The following LHPP variants were observed in gnomAD, a reference collection of about 807,000 sequenced individuals.
The protein encoded by LHPP is phospholysine phosphohistidine inorganic pyrophosphate phosphatase.
Under a neutral mutation model 30.3 loss-of-function variants are expected in LHPP, and 24 were observed. The observed-to-expected ratio is 0.79, with a 90% CI of 0.57 to 1.11. The LOEUF is 1.11. LHPP is among the 50% of genes most tolerant of loss of function. The probability of loss-of-function intolerance (pLI) is 0.00; values close to 1 mark genes in which losing one functional copy is unlikely to be tolerated. For synonymous variants in LHPP, 150 were observed against 157.1 expected, an observed-to-expected ratio of 0.95 and a Z score of 0.34; for missense variants, 356 against 367.2, an observed-to-expected ratio of 0.97 and a Z score of 0.25.
At position 124,496,920 on chromosome 10, in the gene LHPP, C is replaced by T. The variant is rs1342154970; in HGVS notation, c.468-41C>T. On this transcript the variant is annotated intron_variant, in intron 3 of 6. Transcript: ENST00000368842. The surrounding 1 kb of genome is among the most constrained non-coding windows in gnomAD (Gnocchi z 4.3). The stretch of plus-strand genomic sequence containing the variant: ...ATACTTAGCATCCTGCGGTCAGCTC[C>T]CCGTGCTCAGCATCCCGTGCTCCGT... 9.5e-6 allele frequency: 15 copies of T among 1,579,550 alleles called. No individual in the cohort carries two copies. The Middle Eastern group carries it at 8.4e-4, about 89-fold the overall frequency.
intron 5 of LHPP, among the ~76,000 whole-genome samples, chr10:124,516,225 G>A (rs1231897279): frequency 6.6e-6 from 1 of 152,226 alleles, no homozygotes; most frequent in Non-Finnish European, 1.5e-5. Flanking sequence ...TTCCCAGCTT[G>A]TAGATGGCCG....
At position 124,590,485 on chromosome 10, in the gene LHPP, CTG is replaced by C. The variant is rs1393931021; in HGVS notation, c.717-22774_717-22773del. 6.6e-6 allele frequency among the ~76,000 whole-genome samples: 1 copy of C among 152,194 alleles called. No homozygotes were observed. On this transcript the variant is annotated intron_variant, in intron 6 of 6. Coordinates refer to ENST00000368842, the MANE Select transcript of LHPP (RefSeq NM_022126.4). This position sits in a 1 kb window ranked among gnomAD's most constrained non-coding sequence, Gnocchi z 4.3. ...ACTCCAGGCTACCCCGAGAAAGCCG[CTG>C]TGTGACCCCATTAGGGGACTTGGCT...
intron 6 of LHPP, among the ~76,000 whole-genome samples, chr10:124,518,510 G>A (rs1024183901): frequency 3.3e-5 from 5 of 152,244 alleles, no homozygotes; most frequent in Non-Finnish European, 7.3e-5. Flanking sequence ...GGCGTCAGCC[G>A]TCAGGAGCCC....
At chr10:124,607,740 T>A (rs1284709765) in intron 6 of LHPP, among the ~76,000 whole-genome samples, 1 of 152,202 alleles carries the variant, frequency 6.6e-6, no homozygotes, top group Non-Finnish European at 1.5e-5. Flanking sequence ...GAAGAATTTT[T>A]GTTCCGCTTC....
chr10:124,545,850 TGGG>T (rs1422964158), intron 6 of LHPP: 11 of 152,002 alleles, frequency 7.2e-5, no homozygotes, highest in Admixed American at 7.2e-4. Context: ...GAAGTTCAGT[TGGG>T]GGGAAAATGC....
intron 5 of LHPP, among the ~76,000 whole-genome samples, chr10:124,500,696 G>C (rs990582961): frequency 5.3e-5 from 8 of 151,422 alleles, no homozygotes; most frequent in Admixed American, 2.0e-4. Context: ...ACTCCAGTGA[G>C]ATACCACTTC....
At chr10:124,500,755 G>A (rs1038109025) in intron 5 of LHPP, among the ~76,000 whole-genome samples, 3 of 151,814 alleles carry the variant, frequency 2.0e-5, no homozygotes, top group Admixed American at 2.0e-4. Flanking sequence ...AATAACAAGT[G>A]TTGGCAAGGA....
Position 124,496,445 on chromosome 10 carries a change from C to G in LHPP, c.468-516C>G, listed in dbSNP as rs1953711641. ...GTCTTCTCATAAAAGCATCTGGCGC[C>G]CATGAAACCTGGCACCTCGCTTGAC... On this transcript the variant is annotated intron_variant, in intron 3 of 6. Transcript: ENST00000368842. The surrounding 1 kb of genome is among the most constrained non-coding windows in gnomAD (Gnocchi z 4.3). 6.6e-6 allele frequency among the ~76,000 whole-genome samples: 1 copy of G among 152,184 alleles called. No individual in the cohort carries two copies. Among genetic ancestry groups the G allele is most frequent in the Non-Finnish European group, 1.5e-5 (1 of 68,038 alleles).
chr10:124,530,575 CCCCCACG>C (rs1954874720), intron 6 of LHPP, among the ~76,000 whole-genome samples: 1 of 152,028 alleles, frequency 6.6e-6, no homozygotes, highest in Non-Finnish European at 1.5e-5. Flanking sequence ...CGCCCAGACC[CCCCCACG>C]CCCCAGGCCA....
chr10:124,468,192 GTTCTGTTAAC>G (rs1320601428), intron 1 of LHPP, among the ~76,000 whole-genome samples: 1 of 152,190 alleles, frequency 6.6e-6, no homozygotes, highest in Non-Finnish European at 1.5e-5. Context: ...ATTGGAAAGG[GTTCTGTTAAC>G]TTCTCTGGGT....
rs116220498 is a variant in LHPP, at chr10:124,595,980, C to T, written c.717-17284C>T. Among the ~76,000 whole-genome samples the T allele has an allele frequency of 2.8e-3, 422 of 152,262 alleles. 2 individuals carry two copies. The highest frequency in any genetic ancestry group is 9.8e-3 in the African/African-American group (409 of 41,538). ...CACTCTTCTCCAGAGGGAGCTAGCC[C>T]GTGCCTTCACCCCCGTCTTCTGCCT... On this transcript the variant is annotated intron_variant, in intron 6 of 6. Transcript: ENST00000368842.
At chr10:124,563,413 C>A (rs1365082790) in intron 6 of LHPP, among the ~76,000 whole-genome samples, 1 of 150,742 alleles carries the variant, frequency 6.6e-6, no homozygotes, top group African/African-American at 2.4e-5. Context: ...AAAAGCCTAT[C>A]CCAAAAGGTT....
intron 5 of LHPP, 83 bp downstream of exon 5, chr10:124,498,211 A>G: frequency 1.3e-6 from 2 of 1,497,774 alleles, no homozygotes; most frequent in East Asian, 2.3e-5. Context: ...TACAGGACTC[A>G]GGCAGCCTGT....
chr10:124,570,228 CCTCCT>C (rs1318859125), intron 6 of LHPP, among the ~76,000 whole-genome samples: 11 of 152,316 alleles, frequency 7.2e-5, no homozygotes, highest in African/African-American at 2.4e-4. Flanking sequence ...CCGTCACAGC[CCTCCT>C]CTGGGCCCTC....
At chr10:124,588,437 C>T (rs113036812) in intron 6 of LHPP, among the ~76,000 whole-genome samples, 6 of 152,252 alleles carry the variant, frequency 3.9e-5, no homozygotes, top group African/African-American at 1.2e-4. Context: ...GCATCTGCCA[C>T]CATGCCCGGC....
Position 124,536,099 on chromosome 10 carries a change from C to A in LHPP, c.716+18828C>A, listed in dbSNP as rs925049891. Among the ~76,000 whole-genome samples, 19 of 152,242 alleles carry A rather than the reference C, an allele frequency of 1.2e-4. 1 individual carries two copies. Among genetic ancestry groups the A allele is most frequent in the Admixed American group, 1.2e-3 (18 of 15,282 alleles). ...GACGCGGAAGCCGGGGTGGAGCAGGCCTGTAAGGTGGGGGCTGGGGCCGGC... is the reference window on the plus strand; with the variant it reads ...GACGCGGAAGCCGGGGTGGAGCAGGACTGTAAGGTGGGGGCTGGGGCCGGC... On this transcript the variant is annotated intron_variant, in intron 6 of 6. Transcript: ENST00000368842.
intron 6 of LHPP, among the ~76,000 whole-genome samples, chr10:124,562,013 T>A (rs985439355): frequency 6.6e-6 from 1 of 152,092 alleles, no homozygotes; most frequent in Non-Finnish European, 1.5e-5. Flanking sequence ...AGCAAAGAAA[T>A]AGAAGATACA....
intron 5 of LHPP, among the ~76,000 whole-genome samples, chr10:124,513,352 G>A (rs147666870): frequency 9.2e-5 from 14 of 151,738 alleles, no homozygotes; most frequent in Non-Finnish European, 1.2e-4. Flanking sequence ...GAGTCACTGC[G>A]CCCAGCTTTT....
rs560080119 is a variant in LHPP, at chr10:124,596,289, G to A, written c.717-16975G>A. Among the ~76,000 whole-genome samples, 402 of 152,126 alleles carry A rather than the reference G, an allele frequency of 2.6e-3. No homozygotes were observed. The highest frequency in any genetic ancestry group is 4.6e-3 in the Non-Finnish European group (314 of 67,966). ...CTCAGGAGTGAGGTTGCTGGGTCCC[G>A]CGGCATTCATGTGTTTAGTGTAGGA... is the stretch of plus-strand genomic sequence containing the variant. On this transcript the variant is annotated intron_variant, in intron 6 of 6. Coordinates refer to ENST00000368842, the MANE Select transcript of LHPP (RefSeq NM_022126.4). The surrounding 1 kb of genome is among the most constrained non-coding windows in gnomAD (Gnocchi z 4.6).
Sources: gnomAD v4.1 joint callset for allele counts (sites outside exome capture counted in the v4.1 genomes callset) on GRCh38, gnomAD v4.1.1 for gene constraint, Gnocchi (gnomAD v3.1) non-coding constraint, MANE v1.5 for transcripts, NCBI Gene and HGNC (gene_info 2026-07-23, HGNC 2026-07-21) for gene names.